The following NRXN3 variants were observed in gnomAD, a reference collection of about 807,000 sequenced individuals.
The protein encoded by NRXN3 is neurexin 3, also known as neurexin III.
A neutral mutation model predicts 137.6 loss-of-function variants in NRXN3; 32 were observed. The observed-to-expected ratio is 0.23, with a 90% CI of 0.18 to 0.31. The LOEUF (loss-of-function observed/expected upper bound fraction) is 0.31. NRXN3 is among the 10% of genes least tolerant of loss of function. NRXN3 has a pLI of 1.00. For missense variants in NRXN3, 1,574 were observed against 2,062.5 expected (o/e 0.76, Z 4.59); for synonymous variants, 798 against 784.5 (o/e 1.02, Z -0.29).
At chr14:78,468,285 T>C (rs1187163531) in intron 4 of NRXN3, among the ~76,000 whole-genome samples, 2 of 152,206 alleles carry the variant, frequency 1.3e-5, no homozygotes, top group Admixed American at 1.3e-4. Flanking sequence ...TTAGGTTGGC[T>C]GTACACACCT....
intron 17 of NRXN3, among the ~76,000 whole-genome samples, chr14:79,672,775 C>T (rs1382648084): frequency 6.6e-6 from 1 of 152,016 alleles, no homozygotes; most frequent in Non-Finnish European, 1.5e-5. Context: ...CCCAGAGCTG[C>T]CTGAACACCA....
At chr14:78,485,528 T>C (rs1254007446) in intron 4 of NRXN3, among the ~76,000 whole-genome samples, 2 of 152,204 alleles carry the variant, frequency 1.3e-5, no homozygotes. Context: ...AGTTTTCTCC[T>C]TTAAGGGTGT....
intron 8 of NRXN3, among the ~76,000 whole-genome samples, chr14:78,768,877 A>T (rs1448975443): frequency 6.6e-6 from 1 of 152,180 alleles, no homozygotes; most frequent in African/African-American, 2.4e-5. Context: ...CTATTCACCA[A>T]ACTAGAAGCT....
rs559086603 is a variant in NRXN3, at chr14:78,271,859, G to A, written c.710-6786G>A. Among the ~76,000 whole-genome samples, 5 of 152,278 alleles carry A rather than the reference G, an allele frequency of 3.3e-5. No homozygotes were observed. In the East Asian group the frequency reaches 9.7e-4, roughly 29 times the overall value. ...TCGGGGATAAAGCTAACACCACCCG[G>A]CCTTTTATGGAGACAACTCTTCCTG... On this transcript the variant is annotated intron_variant, in intron 2 of 20. Transcript: ENST00000335750.
chr14:78,954,667 G>A (rs942857708), intron 10 of NRXN3, among the ~76,000 whole-genome samples: 10 of 150,726 alleles, frequency 6.6e-5, no homozygotes, highest in African/African-American at 2.4e-4. Flanking sequence ...GGGTTTCACT[G>A]TGTTAGCCAG....
chr14:79,006,010 C>T (rs777463334), intron 15 of NRXN3, among the ~76,000 whole-genome samples: 3 of 152,014 alleles, frequency 2.0e-5, no homozygotes, highest in Non-Finnish European at 4.4e-5. Flanking sequence ...TTTATATTCC[C>T]GGTCTCTGTA....
chr14:79,660,734 G>C (rs555206560), intron 16 of NRXN3, among the ~76,000 whole-genome samples: 1 of 152,216 alleles, frequency 6.6e-6, no homozygotes, highest in South Asian at 2.1e-4. Context: ...TAGTGACTTA[G>C]GGGTGAATTG....
At chr14:79,573,613 G>A (rs1469370619) in intron 16 of NRXN3, among the ~76,000 whole-genome samples, 2 of 152,068 alleles carry the variant, frequency 1.3e-5, no homozygotes, top group Non-Finnish European at 2.9e-5. Flanking sequence ...TAGAAAGAAG[G>A]TCAACCCTTT....
chr14:79,420,610 G>A (rs2095562052), intron 15 of NRXN3, among the ~76,000 whole-genome samples: 1 of 152,030 alleles, frequency 6.6e-6, no homozygotes, highest in Admixed American at 6.6e-5. Context: ...AATCTCTACG[G>A]TCCCTCCCAT....
chr14:78,394,296 T>C (rs1278399265), intron 4 of NRXN3, among the ~76,000 whole-genome samples: 1 of 151,950 alleles, frequency 6.6e-6, no homozygotes, highest in Non-Finnish European at 1.5e-5. Context: ...GTGTTAAATT[T>C]TGTCAGATGC....
In NRXN3 at chr14:78,796,870, C is replaced by T. The variant is rs116194747; in HGVS notation, c.2045-6750C>T. On this transcript the variant is annotated intron_variant, in intron 8 of 20. Coordinates refer to ENST00000335750, the MANE Select transcript of NRXN3 (RefSeq NM_001330195.2). ...AGGAAAACAAACTTAAAAACAAAAT[C>T]GTTCATTCTTGGTGGTCTGGAAGAC... 2.5e-3 allele frequency among the ~76,000 whole-genome samples: 378 copies of T among 152,158 alleles called. 3 individuals carry two copies. Among genetic ancestry groups the T allele is most frequent in the African/African-American group, 8.8e-3 (366 of 41,516 alleles).
intron 10 of NRXN3, among the ~76,000 whole-genome samples, chr14:78,956,091 G>A (rs1347434760): frequency 6.6e-6 from 1 of 151,974 alleles, no homozygotes; most frequent in Non-Finnish European, 1.5e-5. Context: ...ATATCCATAG[G>A]GATATATTAG....
intron 4 of NRXN3, among the ~76,000 whole-genome samples, chr14:78,582,564 G>T (rs2097012907): frequency 6.6e-6 from 1 of 152,150 alleles, no homozygotes; most frequent in Non-Finnish European, 1.5e-5. Flanking sequence ...AGAGTGGGTT[G>T]TTATAAAAAC....
intron 4 of NRXN3, among the ~76,000 whole-genome samples, chr14:78,312,582 A>G (rs2078099905): frequency 7.3e-6 from 1 of 136,268 alleles, no homozygotes; most frequent in Non-Finnish European, 1.6e-5. Context: ...ACTAAAAAGA[A>G]ACATTTTTTT....
At chr14:79,197,734 G>A (rs147475256) in intron 15 of NRXN3, among the ~76,000 whole-genome samples, 7 of 152,200 alleles carry the variant, frequency 4.6e-5, no homozygotes, top group East Asian at 1.9e-4. Context: ...CAGTGGTTGC[G>A]GAAGGTTGGG....
At chr14:79,579,166 T>C (rs949581133) in intron 16 of NRXN3, among the ~76,000 whole-genome samples, 29 of 151,700 alleles carry the variant, frequency 1.9e-4, no homozygotes, top group African/African-American at 6.8e-4. Context: ...TTTTCTACTT[T>C]ACTGAGTGAG....
intron 3 of NRXN3, 138 bp from the exon 4 acceptor site, chr14:78,297,693 A>T (rs2076483534): frequency 1.5e-6 from 1 of 678,026 alleles, no homozygotes. Flanking sequence ...CATGTGAGCA[A>T]GCGTGCGGCC....
chr14:78,359,234 A>G (rs1331276116), intron 4 of NRXN3, among the ~76,000 whole-genome samples: 1 of 152,102 alleles, frequency 6.6e-6, no homozygotes, highest in Admixed American at 6.5e-5. Flanking sequence ...ATCAATGGGG[A>G]GCTTTAAAAA....
chr14:78,767,579 A>C (rs749886641), intron 8 of NRXN3, among the ~76,000 whole-genome samples: 1 of 152,212 alleles, frequency 6.6e-6, no homozygotes, highest in African/African-American at 2.4e-5. Flanking sequence ...ACTAATTGTT[A>C]CAGTGAAATT....
Sources: allele counts gnomAD v4.1 joint callset (sites outside exome capture counted in the v4.1 genomes callset), GRCh38; gene constraint gnomAD v4.1.1; transcripts MANE v1.5; gene names NCBI Gene and HGNC (gene_info 2026-07-23, HGNC 2026-07-21).